Variants in TNIK observed in about 807,000 individuals in gnomAD.
TNIK encodes the protein TRAF2 and NCK interacting kinase, also known as TRAF2 and NCK-interacting protein kinase.
In TNIK, 49 loss-of-function variants were observed where a neutral mutation model predicts 191.3. The ratio of observed to expected loss-of-function variants is 0.26; its 90% CI spans 0.20 to 0.32. The LOEUF (loss-of-function observed/expected upper bound fraction) is 0.32, where lower values mean the gene tolerates loss of function less well. TNIK is among the 10% of genes least tolerant of loss of function. The pLI, the probability that TNIK is intolerant of heterozygous loss-of-function variation, is 1.00. For missense variants in TNIK, 1,155 were observed against 1,702.3 expected (o/e 0.68, Z 5.66); for synonymous variants, 594 against 600.9 (o/e 0.99, Z 0.17).
chr3:171,272,150 C>A (rs1749182251), intron 2 of TNIK, among the ~76,000 whole-genome samples: 1 of 152,198 alleles, frequency 6.6e-6, no homozygotes, highest in East Asian at 1.9e-4. Context: ...TTCCTGGCCA[C>A]CATGCAAACA....
chr3:171,408,063 T>A (rs1721940687), intron 1 of TNIK, among the ~76,000 whole-genome samples: 1 of 152,202 alleles, frequency 6.6e-6, no homozygotes, highest in African/African-American at 2.4e-5. Context: ...GACAGTATAA[T>A]GGGACTCATA....
chr3:171,210,981 ATAT>A, intron 4 of TNIK, 132 bp downstream of exon 4: 1 of 1,115,422 alleles, frequency 9.0e-7, no homozygotes. Flanking sequence ...CCTGAAAACA[ATAT>A]GTTACGGACA....
intron 14 of TNIK, 55 bp downstream of exon 14, chr3:171,139,407 CACACACAA>C (rs1730489028): frequency 1.0e-5 from 15 of 1,461,184 alleles, no homozygotes; most frequent in Admixed American, 5.0e-5. Context: ...CACACACACA[CACACACAA>C]ACACTTGCAA....
At chr3:171,108,226 G>T in intron 19 of TNIK, 64 bp from the exon 20 acceptor site, 1 of 1,294,018 alleles carries the variant, frequency 7.7e-7, no homozygotes, top group Non-Finnish European at 1.0e-6. Context: ...CTCAAGTTCT[G>T]AATGAATTAT....
Position 171,157,756 on chromosome 3 carries a change from C to G in TNIK, c.1017-92G>C. ...GAGGAGGAAAGCGGGACAAATGATT[C>G]ACCCACACACAGGGAAAGAAGAGCA... On this transcript the variant is annotated intron_variant, in intron 11 of 32. Coordinates refer to ENST00000436636, the MANE Select transcript of TNIK (RefSeq NM_015028.4). 8 of 1,269,072 alleles carry G rather than the reference C, an allele frequency of 6.3e-6. No individual in the cohort carries two copies. The South Asian group carries it at 1.1e-4, about 18-fold the overall frequency. 78.6% of individuals were successfully genotyped at this position (1,269,072 alleles called of 1,614,324 possible). A position where few individuals can be genotyped will look rare whatever the true frequency, so the allele number is the denominator to read the frequency against.
chr3:171,082,762 T>A (rs1405624500), intron 26 of TNIK: 1 of 181,908 alleles, frequency 5.5e-6, no homozygotes, highest in Non-Finnish European at 1.1e-5. Flanking sequence ...CTTCTCTTCT[T>A]CCCCAAGATT....
chr3:171,200,890 T>G (rs920036770), intron 4 of TNIK, among the ~76,000 whole-genome samples: 7 of 152,220 alleles, frequency 4.6e-5, no homozygotes, highest in African/African-American at 1.7e-4. Context: ...ATTTCACAAT[T>G]GCAGATACTT....
rs1374344146 is a variant in TNIK, at chr3:171,077,890, C to T, written c.3448+1628G>A. Among the ~76,000 whole-genome samples the T allele has an allele frequency of 2.7e-5, 4 of 149,064 alleles. No homozygotes were observed. The South Asian group carries it at 8.3e-4, about 31-fold the overall frequency. On this transcript the variant is annotated intron_variant, in intron 28 of 32. Coordinates refer to ENST00000436636, the MANE Select transcript of TNIK (RefSeq NM_015028.4). The stretch of plus-strand genomic sequence containing the variant: ...ATGTGTATACACATACACACACTCA[C>T]ACATATATATATATCTCCTTAACCC...
Position 171,087,489 on chromosome 3 carries a change from C to A in TNIK, c.2739G>T (p.Lys913Asn), listed in dbSNP as rs1251090367. 6.2e-7 allele frequency: 1 copy of A among 1,613,814 alleles called. No homozygotes were observed. The highest frequency in any genetic ancestry group is 1.1e-5 in the South Asian group (1 of 91,078). ...LMIRETSGEK[K>N]RSGHSDSNGF... ...CATTGCTGTCACTGTGGCCAGATCGCTTCTTCTCTCCAGACGTCTGAGGGA... is the reference window on the plus strand; with the variant it reads ...CATTGCTGTCACTGTGGCCAGATCGATTCTTCTCTCCAGACGTCTGAGGGA... Residue 913 changes from lysine to asparagine, a missense_variant, in exon 24 of 33, where the codon AAG becomes AAT. Physicochemically the swap from Lys to Asn is moderately conservative, Grantham distance 94 (BLOSUM62 0). Coordinates refer to ENST00000436636, the MANE Select transcript of TNIK (RefSeq NM_015028.4).
chr3:171,399,475 A>G (rs1720643672), intron 1 of TNIK, among the ~76,000 whole-genome samples: 1 of 152,234 alleles, frequency 6.6e-6, no homozygotes, highest in South Asian at 2.1e-4. Flanking sequence ...TGCACAAGCA[A>G]TTCTGCTCAA....
intron 2 of TNIK, among the ~76,000 whole-genome samples, chr3:171,287,834 CA>C (rs879319116): frequency 8.5e-5 from 13 of 152,072 alleles, no homozygotes; most frequent in Non-Finnish European, 1.8e-4. Flanking sequence ...CTAGTCATTT[CA>C]AAACAGGATG....
chr3:171,114,906 C>G (rs1726438919), intron 18 of TNIK, among the ~76,000 whole-genome samples: 1 of 152,052 alleles, frequency 6.6e-6, no homozygotes, highest in Non-Finnish European at 1.5e-5. Flanking sequence ...CTGAAATAAT[C>G]TACATTTCAA....
chr3:171,336,437 T>C (rs1756957764), intron 2 of TNIK, among the ~76,000 whole-genome samples: 1 of 152,220 alleles, frequency 6.6e-6, no homozygotes, highest in Admixed American at 6.5e-5. Flanking sequence ...CAGGGTCTAC[T>C]ATATGCTGTT....
At chr3:171,215,261 T>G (rs1429515702) in intron 3 of TNIK, among the ~76,000 whole-genome samples, 1 of 152,162 alleles carries the variant, frequency 6.6e-6, no homozygotes, top group Non-Finnish European at 1.5e-5. Context: ...TTAATGCTTT[T>G]AAGCCACTGA....
chr3:171,101,487 A>G lies in TNIK; in HGVS notation c.2553T>C (p.His851=), dbSNP rs372160015. 1.1e-5 allele frequency: 17 copies of G among 1,613,118 alleles called. No individual in the cohort carries two copies. The highest frequency in any genetic ancestry group is 3.4e-6 in the Non-Finnish European group (4 of 1,179,488). The stretch of plus-strand genomic sequence containing the variant: ...TGTCGCTGACAGCCACTGTCCCATC[A>G]TGGGTCTCGCTCTCTCCATCTTCCT... ...EEEEDGESET[H]DGTVAVSDIP... Residue 851 remains histidine, a synonymous_variant, in exon 22 of 33, where the codon CAT becomes CAC. Transcript: ENST00000436636.
intron 7 of TNIK, among the ~76,000 whole-genome samples, chr3:171,180,137 G>A (rs1255781746): frequency 6.6e-6 from 1 of 152,202 alleles, no homozygotes; most frequent in Non-Finnish European, 1.5e-5. Context: ...TCTGGGGTAA[G>A]AAGAACTCAA....
In TNIK at chr3:171,231,807, G is replaced by C. The variant is rs116044929; in HGVS notation, c.124-3586C>G. ...AATCAGAAATGAATTGAGTAGGAAGGGGCCCCTAAGAGCCTAACCCAATCC... is the reference window on the plus strand; with the variant it reads ...AATCAGAAATGAATTGAGTAGGAAGCGGCCCCTAAGAGCCTAACCCAATCC... On this transcript the variant is annotated intron_variant, in intron 2 of 32. Transcript: ENST00000436636. Among the ~76,000 whole-genome samples the C allele has an allele frequency of 4.5e-3, 683 of 152,152 alleles. 3 individuals carry two copies. The highest frequency in any genetic ancestry group is 7.4e-3 in the Non-Finnish European group (505 of 68,004).
intron 15 of TNIK, among the ~76,000 whole-genome samples, chr3:171,136,333 C>T (rs1729971015): frequency 1.3e-5 from 2 of 152,174 alleles, no homozygotes; most frequent in African/African-American, 4.8e-5. Context: ...CCAAGGTCTA[C>T]ATGAATCTCT....
intron 2 of TNIK, among the ~76,000 whole-genome samples, chr3:171,267,953 TGGCCCCAGA>T (rs1748593550): frequency 6.6e-6 from 1 of 152,218 alleles, no homozygotes; most frequent in Admixed American, 6.5e-5. Context: ...GCCTTGCTGA[TGGCCCCAGA>T]GCCTCAGCCA....
Sources: allele counts gnomAD v4.1 joint callset (sites outside exome capture counted in the v4.1 genomes callset), GRCh38; gene constraint gnomAD v4.1.1; transcripts MANE v1.5; gene names NCBI Gene and HGNC (gene_info 2026-07-23, HGNC 2026-07-21).